The following TACC1 variants were observed in gnomAD, a reference collection of about 807,000 sequenced individuals.
TACC1 encodes transforming acidic coiled-coil containing protein 1, also known as transforming acidic coiled-coil-containing protein 1.
Under a neutral mutation model 84.4 loss-of-function variants are expected in TACC1, and 48 were observed. That is an observed-to-expected ratio of 0.57 (90% confidence interval 0.45 to 0.72). The LOEUF is 0.72. Among genes scored for constraint, TACC1 ranks in the 30% least tolerant of loss-of-function variants. The pLI, the probability that TACC1 is intolerant of heterozygous loss-of-function variation, is 0.00. For synonymous variants in TACC1, 372 were observed against 376.3 expected (o/e 0.99, Z 0.13); for missense variants, 920 against 973.0 (o/e 0.95, Z 0.72).
Position 38,843,317 on chromosome 8 carries a change from A to G in TACC1, c.2150A>G (p.Gln717Arg), listed in dbSNP as rs770839858. ...GAAGAAGCCTTGAAGAAATGTGCTC[A>G]GGATTACTTAGCCAGAGTTAAACAA... is the stretch of plus-strand genomic sequence containing the variant. ...KNEEALKKCA[Q>R]DYLARVKQEE... The change falls in exon 11 of 13, where the codon CAG becomes CGG. Residue 717 changes from glutamine (Q) to arginine (R), a missense_variant. By Grantham distance (43) the Gln-to-Arg change is conservative. This residue lies in a region of TACC1 where 158 missense variants were observed against 225.6 expected (regional missense o/e 0.70). Transcript: ENST00000317827. 44 of 1,605,168 alleles carry G rather than the reference A, an allele frequency of 2.7e-5. No individual in the cohort carries two copies. The highest frequency in any genetic ancestry group is 3.7e-5 in the Non-Finnish European group (44 of 1,175,932).
intron 2 of TACC1, among the ~76,000 whole-genome samples, chr8:38,815,266 C>T (rs1169260885): frequency 1.3e-5 from 2 of 152,186 alleles, no homozygotes; most frequent in Non-Finnish European, 2.9e-5. Flanking sequence ...GTATTAAGTT[C>T]CTAGAACGCC....
Position 38,827,175 on chromosome 8 carries a change from G to A in TACC1, c.1460G>A (p.Gly487Glu). The change falls in exon 5 of 13, where the codon GGG becomes GAG. Residue 487 changes from glycine (G) to glutamate (E), a missense_variant. By Grantham distance (98) the Gly-to-Glu change is moderately conservative. Transcript: ENST00000317827. ...CTCTGTTGTGTTTCTCAGGATGAAGGGGCAGTGATCTCCCAGATTTCAGAC... is the reference window on the plus strand; with the variant it reads ...CTCTGTTGTGTTTCTCAGGATGAAGAGGCAGTGATCTCCCAGATTTCAGAC... ...LALDACSRDE[G>E]AVISQISDIS... 1 of 1,613,370 alleles carries A rather than the reference G, an allele frequency of 6.2e-7. No individual in the cohort carries two copies. The highest frequency in any genetic ancestry group is 1.1e-5 in the South Asian group (1 of 91,032).
chr8:38,732,398 G>C (rs1265826030), intron 1 of TACC1, among the ~76,000 whole-genome samples: 1 of 151,488 alleles, frequency 6.6e-6, no homozygotes. Flanking sequence ...AAATTTAAGA[G>C]CTAAATATAG....
Position 38,836,221 on chromosome 8 carries a change from C to T in TACC1, c.1773C>T (p.Ser591=), listed in dbSNP as rs778924521. 4 of 1,613,036 alleles carry T rather than the reference C, an allele frequency of 2.5e-6. No individual in the cohort carries two copies. Among genetic ancestry groups the T allele is most frequent in the Non-Finnish European group, 2.5e-6 (3 of 1,179,784 alleles). The change falls in exon 7 of 13, where the codon AGC becomes AGT. Residue 591 remains serine (S), a synonymous_variant. Transcript: ENST00000317827. ...TGTCGGTGTCCTGTGGAGGTGAGAG[C>T]CCCCTGGATGGGATCTGCCTCAGCG... The part of the protein sequence containing the change: ...APVSVSCGGE[S]PLDGICLSES...
intron 2 of TACC1, among the ~76,000 whole-genome samples, chr8:38,800,522 C>T (rs1821103101): frequency 6.6e-6 from 1 of 152,114 alleles, no homozygotes; most frequent in South Asian, 2.1e-4. Flanking sequence ...AATATGTAGT[C>T]TTGTATGACT....
intron 2 of TACC1, among the ~76,000 whole-genome samples, chr8:38,817,339 C>G (rs1825657170): frequency 6.6e-6 from 1 of 152,212 alleles, no homozygotes; most frequent in Non-Finnish European, 1.5e-5. Context: ...TATAACAGTT[C>G]ACATACATGG....
At chr8:38,840,059 T>TAAAA (rs11440274) in intron 8 of TACC1, 165 bp from the exon 9 acceptor site, 101 of 189,290 alleles carry the variant, frequency 5.3e-4, no homozygotes, top group South Asian at 2.4e-3. Context: ...TTATATAATG[T>TAAAA]AAAAAAAAAA....
chr8:38,810,925 T>C (rs1823953199), intron 2 of TACC1, among the ~76,000 whole-genome samples: 1 of 152,126 alleles, frequency 6.6e-6, no homozygotes, highest in Non-Finnish European at 1.5e-5. Flanking sequence ...GAGACTAGCC[T>C]AGGCAACGTA....
chr8:38,813,934 GGTA>G (rs1824839544), intron 2 of TACC1, among the ~76,000 whole-genome samples: 1 of 152,132 alleles, frequency 6.6e-6, no homozygotes, highest in Admixed American at 6.5e-5. Context: ...GGGCAGTGTA[GGTA>G]GGCCTTTGTG....
chr8:38,846,684 A>G lies in TACC1; in HGVS notation c.2229-15A>G, dbSNP rs1223507629. On this transcript the variant is annotated splice_polypyrimidine_tract_variant and intron_variant, in intron 11 of 12. Transcript: ENST00000317827. ...TGCTTTTTGTCTCTTTATTACACCC[A>G]AACACCATAAACAGAGCCAATGAAG... 4 of 1,613,860 alleles carry G rather than the reference A, an allele frequency of 2.5e-6. No homozygotes were observed. Among genetic ancestry groups the G allele is most frequent in the Non-Finnish European group, 3.4e-6 (4 of 1,179,934 alleles).
intron 10 of TACC1, 110 bp from the exon 11 acceptor site, chr8:38,843,179 C>A: frequency 1.5e-6 from 1 of 685,166 alleles, no homozygotes; most frequent in South Asian, 2.4e-5. Flanking sequence ...GAATAAAAGC[C>A]ATCTGAATTA....
At chr8:38,827,505 C>G in intron 5 of TACC1, 130 bp downstream of exon 5, 1 of 902,372 alleles carries the variant, frequency 1.1e-6, no homozygotes, top group Non-Finnish European at 1.7e-6. Flanking sequence ...GGATGCTGAC[C>G]TATGCTTTGC....
At chr8:38,785,443 T>C (rs1226507682), upstream of TACC1, among the ~76,000 whole-genome samples, 1 of 151,992 alleles carries the variant, frequency 6.6e-6, no homozygotes, top group Non-Finnish European at 1.5e-5. Flanking sequence ...ACCGAAAGAT[T>C]AGAGCACGAG....
intron 3 of TACC1, among the ~76,000 whole-genome samples, chr8:38,822,952 AG>A (rs1213422081): frequency 1.3e-5 from 2 of 152,226 alleles, no homozygotes; most frequent in Non-Finnish European, 2.9e-5. Context: ...TTTACTAAAA[AG>A]TTTGAGTAAA....
At chr8:38,826,161 A>C (rs1827994004) in intron 4 of TACC1, among the ~76,000 whole-genome samples, 1 of 152,144 alleles carries the variant, frequency 6.6e-6, no homozygotes, top group Non-Finnish European at 1.5e-5. Flanking sequence ...TACAATTTGG[A>C]TCAGAAACTT....
intron 3 of TACC1, among the ~76,000 whole-genome samples, chr8:38,764,221 G>A (rs1811772581): frequency 6.6e-6 from 1 of 151,990 alleles, no homozygotes; most frequent in African/African-American, 2.4e-5. Context: ...GGGATTACAG[G>A]CGCCCACCAC....
chr8:38,832,248 A>G (rs1829408115), intron 6 of TACC1, among the ~76,000 whole-genome samples: 1 of 152,278 alleles, frequency 6.6e-6, no homozygotes, highest in Non-Finnish European at 1.5e-5. Context: ...GTAAAGTGCT[A>G]GAATACACTA....
chr8:38,792,241 T>G (rs1463411800), intron 2 of TACC1, among the ~76,000 whole-genome samples: 1 of 152,238 alleles, frequency 6.6e-6, no homozygotes, highest in East Asian at 1.9e-4. Context: ...GGGAAATATA[T>G]TGGTGAAGAA....
intron 1 of TACC1, among the ~76,000 whole-genome samples, chr8:38,739,121 C>T (rs2151659384): frequency 6.6e-6 from 1 of 152,314 alleles, no homozygotes. Context: ...CAACTCCTGA[C>T]CTCGTGATCT....
Sources: allele counts gnomAD v4.1 joint callset (sites outside exome capture counted in the v4.1 genomes callset), GRCh38; gene constraint gnomAD v4.1.1; regional missense constraint gnomAD v4.1.1; transcripts MANE v1.5; gene names NCBI Gene and HGNC (gene_info 2026-07-23, HGNC 2026-07-21).